The following RGS5 variants were observed in gnomAD, a reference collection of about 807,000 sequenced individuals.
RGS5 encodes regulator of G-protein signalling 5.
In RGS5, 20 loss-of-function variants were observed where a neutral mutation model predicts 18.9. The ratio of observed to expected loss-of-function variants is 1.06; its 90% CI spans 0.74 to 1.54. The LOEUF (loss-of-function observed/expected upper bound fraction) is 1.54, where lower values mean the gene tolerates loss of function less well. Among genes scored for constraint, RGS5 ranks in the 40% most tolerant of loss-of-function variants. RGS5 has a pLI of 0.00. For missense variants in RGS5, 201 were observed against 211.8 expected (o/e 0.95, Z 0.32); for synonymous variants, 57 against 76.2 (o/e 0.75, Z 1.31).
chr1:163,148,953 G>C (rs891445740), intron 4 of RGS5, among the ~76,000 whole-genome samples: 6 of 152,222 alleles, frequency 3.9e-5, no homozygotes, highest in African/African-American at 1.4e-4. Flanking sequence ...ACTGAATAGA[G>C]CTCTTTGGGC....
At chr1:163,242,044 G>A (rs554641349) in intron 2 of RGS5, among the ~76,000 whole-genome samples, 309 of 152,334 alleles carry the variant, frequency 2.0e-3, no homozygotes, top group Non-Finnish European at 3.9e-3. Context: ...AATAAAGGAA[G>A]TGAGACCTTG....
chr1:163,218,066 T>G (rs1660256660), upstream of RGS5, among the ~76,000 whole-genome samples: 1 of 152,118 alleles, frequency 6.6e-6, no homozygotes, highest in Non-Finnish European at 1.5e-5. Context: ...AATATGGCTT[T>G]GCCATATCCT....
intron 1 of RGS5, among the ~76,000 whole-genome samples, chr1:163,182,781 G>C (rs1049319215): frequency 6.6e-6 from 1 of 152,156 alleles, no homozygotes; most frequent in African/African-American, 2.4e-5. Context: ...TCCCATGAGA[G>C]CTCCTCTGAA....
chr1:163,185,374 G>T (rs1659026592), intron 1 of RGS5, among the ~76,000 whole-genome samples: 1 of 152,244 alleles, frequency 6.6e-6, no homozygotes, highest in East Asian at 1.9e-4. Context: ...CTTTTGACTT[G>T]AAATCATCTA....
Position 163,195,641 on chromosome 1 carries a change from A to G in RGS5, c.44+7151T>C, listed in dbSNP as rs573172261. The stretch of plus-strand genomic sequence containing the variant: ...AAAATTATGGATAAAGTATTTTTTA[A>G]ATACTGTACCATTTTTAAAATTTAT... On this transcript the variant is annotated intron_variant, in intron 1 of 4. Transcript: ENST00000313961. Among the ~76,000 whole-genome samples, 8 of 152,020 alleles carry G rather than the reference A, an allele frequency of 5.3e-5. 1 individual carries two copies. The highest frequency in any genetic ancestry group is 1.9e-4 in the African/African-American group (8 of 41,502).
chr1:163,276,127 T>G (rs979073034), intron 2 of RGS5, among the ~76,000 whole-genome samples: 1 of 152,146 alleles, frequency 6.6e-6, no homozygotes, highest in Non-Finnish European at 1.5e-5. Flanking sequence ...CTGGAGTAGC[T>G]GGGATTACAG....
At chr1:163,287,915 T>G (rs978905784) in intron 2 of RGS5, among the ~76,000 whole-genome samples, 1 of 152,230 alleles carries the variant, frequency 6.6e-6, no homozygotes, top group East Asian at 1.9e-4. Flanking sequence ...TGCTACAATT[T>G]AGTTGTAATT....
At chr1:163,303,086 CAT>C (rs1353870309) in intron 2 of RGS5, among the ~76,000 whole-genome samples, 13 of 152,130 alleles carry the variant, frequency 8.5e-5, no homozygotes, top group East Asian at 1.9e-4. Context: ...TGAAAGAACA[CAT>C]AGTTAAATTT....
At chr1:163,250,719 G>A (rs1648085338) in intron 2 of RGS5, among the ~76,000 whole-genome samples, 1 of 152,140 alleles carries the variant, frequency 6.6e-6, no homozygotes, top group African/African-American at 2.4e-5. Context: ...TTAGAAAAGT[G>A]CCAGTTTCAG....
chr1:163,314,589 T>A (rs12134864), intron 1 of RGS5, among the ~76,000 whole-genome samples: 78 of 152,074 alleles, frequency 5.1e-4, no homozygotes, highest in Non-Finnish European at 9.7e-4. Flanking sequence ...ATCCCCAAAT[T>A]TTTCTGATTT....
chr1:163,195,359 G>A (rs918155772), intron 1 of RGS5, among the ~76,000 whole-genome samples: 1 of 152,050 alleles, frequency 6.6e-6, no homozygotes, highest in Non-Finnish European at 1.5e-5. Flanking sequence ...TCACTTATAA[G>A]TGGGAGCTAA....
intron 2 of RGS5, among the ~76,000 whole-genome samples, chr1:163,246,415 C>CA (rs1305621497): frequency 4.2e-4 from 64 of 151,438 alleles, no homozygotes; most frequent in African/African-American, 1.4e-3. Context: ...CTAAAAAATA[C>CA]AAAAAATTAG....
At chr1:163,278,541 A>G (rs1648915081) in intron 2 of RGS5, among the ~76,000 whole-genome samples, 1 of 152,158 alleles carries the variant, frequency 6.6e-6, no homozygotes, top group Non-Finnish European at 1.5e-5. Flanking sequence ...GTATTAACTC[A>G]CTGGTAGAGC....
At chr1:163,189,657 A>G in intron 1 of RGS5, among the ~76,000 whole-genome samples, 1 of 152,216 alleles carries the variant, frequency 6.6e-6, no homozygotes, top group Non-Finnish European at 1.5e-5. Flanking sequence ...CTAAGATTAC[A>G]AGGAGAAATA....
intron 1 of RGS5, among the ~76,000 whole-genome samples, chr1:163,208,518 T>TTAA (rs1660013902): frequency 6.9e-5 from 1 of 14,468 alleles, no homozygotes; most frequent in African/African-American, 2.7e-4. Context: ...CCACCTCCAT[T>TTAA]AAAAAAAAAA....
intron 2 of RGS5, among the ~76,000 whole-genome samples, chr1:163,259,178 G>C (rs1648356884): frequency 1.3e-5 from 2 of 151,682 alleles, no homozygotes; most frequent in Non-Finnish European, 2.9e-5. Context: ...TTAAGACAGA[G>C]TCTCACTCTG....
chr1:163,252,126 T>C (rs1193015776), intron 2 of RGS5, among the ~76,000 whole-genome samples: 1 of 152,162 alleles, frequency 6.6e-6, no homozygotes, highest in Non-Finnish European at 1.5e-5. Flanking sequence ...CCATGAGCAA[T>C]GTATGAAAGA....
chr1:163,213,536 G>T (rs760094368), intron 1 of RGS5, among the ~76,000 whole-genome samples: 1 of 152,146 alleles, frequency 6.6e-6, no homozygotes, highest in Non-Finnish European at 1.5e-5. Context: ...AGCTAAAGAT[G>T]GTTTAGAGGA....
intron 3 of RGS5, among the ~76,000 whole-genome samples, chr1:163,159,611 C>T (rs958923732): frequency 2.6e-5 from 4 of 152,120 alleles, no homozygotes; most frequent in African/African-American, 4.8e-5. Flanking sequence ...AGTTGGGCTA[C>T]TTCGAATGGA....
Sources: allele counts gnomAD v4.1 joint callset (sites outside exome capture counted in the v4.1 genomes callset), GRCh38; gene constraint gnomAD v4.1.1; transcripts MANE v1.5; gene names NCBI Gene and HGNC (gene_info 2026-07-23, HGNC 2026-07-21).